Variants in NANOS3 observed in about 807,000 individuals in gnomAD.
The protein encoded by NANOS3 is nanos C2HC-type zinc finger 3, also known as nanos homolog 3.
In NANOS3, 11 loss-of-function variants were observed where a neutral mutation model predicts 13.8. The ratio of observed to expected loss-of-function variants is 0.80; its 90% CI spans 0.50 to 1.32. The LOEUF is 1.32. Ranked by LOEUF, NANOS3 falls within the 40% of genes most tolerant of loss-of-function variation. The pLI, the probability that NANOS3 is intolerant of heterozygous loss-of-function variation, is 0.00. For synonymous variants in NANOS3, 119 were observed against 115.4 expected (o/e 1.03, Z -0.20); for missense variants, 221 against 263.8 (o/e 0.84, Z 1.12).
chr19:13,874,737 G>A (rs1290894742), upstream of NANOS3: 1 of 534,358 alleles, frequency 1.9e-6, no homozygotes, highest in Non-Finnish European at 3.9e-6. Flanking sequence ...CATTCAACCT[G>A]TCGGTGAGTT....
intron 1 of NANOS3, among the ~76,000 whole-genome samples, chr19:13,866,123 T>C (rs895920480): frequency 6.6e-6 from 1 of 151,996 alleles, no homozygotes; most frequent in Non-Finnish European, 1.5e-5. Flanking sequence ...TGCAGGGTAT[T>C]TACTGGGGCC....
intron 1 of NANOS3, among the ~76,000 whole-genome samples, chr19:13,870,054 A>AT (rs112665118): frequency 2.0e-3 from 291 of 144,566 alleles, no homozygotes; most frequent in East Asian, 0.012. Context: ...TTCTTCAACT[A>AT]TTTTTTTTTT....
intron 1 of NANOS3, among the ~76,000 whole-genome samples, chr19:13,870,651 T>G (rs921293917): frequency 7.0e-6 from 1 of 142,332 alleles, no homozygotes; most frequent in Middle Eastern, 3.6e-3. Context: ...CACTGCAATC[T>G]CTGCCTCCCA....
intron 1 of NANOS3, among the ~76,000 whole-genome samples, chr19:13,871,454 G>A (rs1047904105): frequency 3.3e-5 from 5 of 152,160 alleles, no homozygotes; most frequent in African/African-American, 7.2e-5. Flanking sequence ...TGGGGCTGCC[G>A]GCCTCCTGTC....
At chr19:13,878,940 TTTTA>T (rs1422137324) in intron 1 of NANOS3, among the ~76,000 whole-genome samples, 2 of 146,288 alleles carry the variant, frequency 1.4e-5, no homozygotes, top group Admixed American at 6.8e-5. Context: ...TCTTTCTTTC[TTTTA>T]TTTGATTATT....
intron 1 of NANOS3, among the ~76,000 whole-genome samples, chr19:13,871,413 G>A (rs1976325671): frequency 6.6e-6 from 1 of 152,200 alleles, no homozygotes; most frequent in Non-Finnish European, 1.5e-5. Flanking sequence ...ACGGACCACA[G>A]GCAAAGAAGA....
intron 1 of NANOS3, among the ~76,000 whole-genome samples, chr19:13,871,611 G>A (rs1976328289): frequency 6.6e-6 from 1 of 152,164 alleles, no homozygotes; most frequent in East Asian, 1.9e-4. Context: ...GAGGCAGAAA[G>A]GACACACAGG....
At chr19:13,865,869 T>TG (rs1292796420) in intron 1 of NANOS3, among the ~76,000 whole-genome samples, 1 of 67,154 alleles carries the variant, frequency 1.5e-5, no homozygotes, top group African/African-American at 5.8e-5. Context: ...GCTTTGTTCT[T>TG]GGGGGCGCGG....
chr19:13,874,957 C>CG (rs1568364731), upstream of NANOS3: 2 of 529,542 alleles, frequency 3.8e-6, no homozygotes, highest in South Asian at 1.4e-5. Context: ...CCAGACCCAC[C>CG]GGGGGATGAA....
chr19:13,866,874 CACACACACACACAT>C (rs1277127478), intron 1 of NANOS3, among the ~76,000 whole-genome samples: 1 of 151,562 alleles, frequency 6.6e-6, no homozygotes, highest in Non-Finnish European at 1.5e-5. Flanking sequence ...TCACCCCCAC[CACACACACACACAT>C]ACACACACAC....
intron 1 of NANOS3, among the ~76,000 whole-genome samples, chr19:13,870,560 C>CTTTT (rs34524831): frequency 2.3e-3 from 167 of 71,646 alleles, no homozygotes; most frequent in African/African-American, 5.4e-3. Flanking sequence ...GATAGCGTGG[C>CTTTT]TTTTTTTTTT....
chr19:13,877,566 C>A lies in NANOS3; in HGVS notation c.318C>A (p.Ile106=), dbSNP rs762748589. Residue 106 remains isoleucine (I), a synonymous_variant, in exon 1 of 2, where the codon ATC becomes ATA. Transcript: ENST00000339133. ...AGGCTGGCAGGGTGCTGTGTCCCATCCTGCGGGACTACGTGTGTCCCCAGT... is the reference window on the plus strand; with the variant it reads ...AGGCTGGCAGGGTGCTGTGTCCCATACTGCGGGACTACGTGTGTCCCCAGT... ...KDEAGRVLCP[I]LRDYVCPQCG... 2.5e-6 allele frequency: 4 copies of A among 1,612,232 alleles called. No homozygotes were observed. Among genetic ancestry groups the A allele is most frequent in the Non-Finnish European group, 3.4e-6 (4 of 1,180,004 alleles).
At chr19:13,862,393 C>T (rs1157722767), upstream of NANOS3, among the ~76,000 whole-genome samples, 1 of 152,086 alleles carries the variant, frequency 6.6e-6, no homozygotes, top group African/African-American at 2.4e-5. Flanking sequence ...GTCCCGCCGG[C>T]CTCCACAGCT....
chr19:13,864,497 GTGTC>G (rs1329957589), upstream of NANOS3, among the ~76,000 whole-genome samples: 1 of 152,100 alleles, frequency 6.6e-6, no homozygotes, highest in Non-Finnish European at 1.5e-5. Flanking sequence ...ATATATGTGT[GTGTC>G]TGTGAACTTT....
intron 1 of NANOS3, among the ~76,000 whole-genome samples, chr19:13,878,230 T>G (rs1286688382): frequency 6.7e-6 from 1 of 148,334 alleles, no homozygotes; most frequent in East Asian, 2.0e-4. Flanking sequence ...CCGAGCCAGT[T>G]TGTTTATGTA....
At chr19:13,878,614 T>A (rs933404465) in intron 1 of NANOS3, among the ~76,000 whole-genome samples, 74 of 150,930 alleles carry the variant, frequency 4.9e-4, no homozygotes, top group African/African-American at 1.5e-3. Context: ...TTTTTTTTTT[T>A]AATTTTTTTT....
chr19:13,880,246 C>G (rs1968604809), intron 1 of NANOS3, among the ~76,000 whole-genome samples, 196 bp from the exon 2 acceptor site: 2 of 152,268 alleles, frequency 1.3e-5, no homozygotes, highest in African/African-American at 4.8e-5. Flanking sequence ...ATCGGAACTC[C>G]TGTGCTTTGT....
chr19:13,877,088 C>T (rs1327083887), upstream of NANOS3, among the ~76,000 whole-genome samples: 2 of 152,182 alleles, frequency 1.3e-5, no homozygotes, highest in South Asian at 2.1e-4. Context: ...CCTCCCTCTT[C>T]ACACCCCCTT....
At chr19:13,871,038 C>T (rs1019343019) in intron 1 of NANOS3, among the ~76,000 whole-genome samples, 1 of 151,936 alleles carries the variant, frequency 6.6e-6, no homozygotes, top group Non-Finnish European at 1.5e-5. Context: ...ACCCCTACCC[C>T]CCATGCACTG....
Sources: allele counts gnomAD v4.1 joint callset (sites outside exome capture counted in the v4.1 genomes callset), GRCh38; gene constraint gnomAD v4.1.1; transcripts MANE v1.5; gene names NCBI Gene and HGNC (gene_info 2026-07-23, HGNC 2026-07-21).